RABGAP1L: variants seen among roughly 807,000 people sequenced by gnomAD.
The protein encoded by RABGAP1L is RAB GTPase activating protein 1 like.
In RABGAP1L, 63 loss-of-function variants were observed where a neutral mutation model predicts 137.7. The ratio of observed to expected loss-of-function variants is 0.46; its 90% CI spans 0.37 to 0.56. The LOEUF (loss-of-function observed/expected upper bound fraction) is 0.56, where lower values mean the gene tolerates loss of function less well. RABGAP1L is among the 20% of genes least tolerant of loss of function. The probability of loss-of-function intolerance (pLI) is 0.00; values close to 1 mark genes in which losing one functional copy is unlikely to be tolerated. For synonymous variants in RABGAP1L, 431 were observed against 433.7 expected (o/e 0.99, Z 0.08); for missense variants, 1,095 against 1,244.0 (o/e 0.88, Z 1.80).
intron 1 of RABGAP1L, among the ~76,000 whole-genome samples, chr1:174,162,641 G>A (rs1410635072): frequency 6.6e-6 from 1 of 151,700 alleles, no homozygotes; most frequent in East Asian, 1.9e-4. Flanking sequence ...GCTTGCTTAT[G>A]TCTTAATTTT....
intron 18 of RABGAP1L, among the ~76,000 whole-genome samples, chr1:174,764,238 T>G (rs1685484360): frequency 6.6e-6 from 1 of 152,254 alleles, no homozygotes; most frequent in South Asian, 2.1e-4. Flanking sequence ...TTGTTTCCAT[T>G]TTGATTGTTA....
intron 13 of RABGAP1L, among the ~76,000 whole-genome samples, chr1:174,447,612 G>A (rs1654910915): frequency 6.6e-6 from 1 of 152,116 alleles, no homozygotes; most frequent in Non-Finnish European, 1.5e-5. Flanking sequence ...CAGGAAGCCT[G>A]AGACAGTTTC....
chr1:174,571,629 A>C (rs12078714), intron 13 of RABGAP1L, among the ~76,000 whole-genome samples: 7,863 of 152,232 alleles, frequency 0.052, 650 homozygotes, highest in African/African-American at 0.18. Context: ...TATGCATGCA[A>C]TATAAATGCT....
At chr1:174,533,383 CTT>C (rs1251183848) in intron 13 of RABGAP1L, among the ~76,000 whole-genome samples, 3 of 152,150 alleles carry the variant, frequency 2.0e-5, no homozygotes, top group Non-Finnish European at 2.9e-5. Context: ...ACAGTTGACT[CTT>C]GAACAACATG....
chr1:174,762,055 G>A (rs1009505061), intron 18 of RABGAP1L, among the ~76,000 whole-genome samples: 2 of 152,102 alleles, frequency 1.3e-5, no homozygotes, highest in Admixed American at 6.5e-5. Flanking sequence ...GGGATGCTCT[G>A]TGCTGGGAGT....
intron 13 of RABGAP1L, among the ~76,000 whole-genome samples, chr1:174,581,420 A>G (rs547941382): frequency 7.2e-5 from 11 of 152,344 alleles, no homozygotes; most frequent in Admixed American, 5.2e-4. Context: ...ATGCTAAGCG[A>G]ATGAAATGAG....
At chr1:174,958,239 A>G (rs760667297) in intron 20 of RABGAP1L, 18 of 1,244,750 alleles carry the variant, frequency 1.4e-5, no homozygotes, top group Non-Finnish European at 1.8e-5. Flanking sequence ...TATGAACAAC[A>G]GTGATATTTG....
At chr1:174,877,368 G>T in intron 19 of RABGAP1L, 492 of 958,036 alleles carry the variant, frequency 5.1e-4, no homozygotes, top group East Asian at 9.8e-4. Context: ...CTGGATTTTT[G>T]ACACTCCACC....
chr1:174,274,287 C>G (rs1006998603), intron 8 of RABGAP1L, among the ~76,000 whole-genome samples: 1 of 152,030 alleles, frequency 6.6e-6, no homozygotes. Context: ...AGCCAGATTA[C>G]TTATATATAA....
chr1:174,599,648 C>A (rs966727154), intron 13 of RABGAP1L, among the ~76,000 whole-genome samples: 5 of 152,208 alleles, frequency 3.3e-5, no homozygotes, highest in Non-Finnish European at 4.4e-5. Flanking sequence ...ATATGTCATG[C>A]CACTCTCCTG....
intron 13 of RABGAP1L, among the ~76,000 whole-genome samples, chr1:174,433,978 T>TG (rs1479296079): frequency 3.3e-5 from 5 of 152,168 alleles, no homozygotes; most frequent in African/African-American, 1.2e-4. Context: ...TAATGAGCTT[T>TG]GACATGCATG....
At chr1:174,212,160 A>G (rs551429698) in intron 1 of RABGAP1L, among the ~76,000 whole-genome samples, 14 of 152,278 alleles carry the variant, frequency 9.2e-5, no homozygotes, top group East Asian at 1.9e-4. Context: ...ATTTAATCCA[A>G]TGACTGAAGA....
chr1:174,644,310 T>A (rs1302356993), intron 14 of RABGAP1L, among the ~76,000 whole-genome samples: 1 of 151,992 alleles, frequency 6.6e-6, no homozygotes, highest in African/African-American at 2.4e-5. Flanking sequence ...TGAAATAGCT[T>A]TTTAGTTTCT....
chr1:174,836,032 CA>C (rs1308715217), intron 19 of RABGAP1L, among the ~76,000 whole-genome samples: 1 of 152,140 alleles, frequency 6.6e-6, no homozygotes, highest in Non-Finnish European at 1.5e-5. Flanking sequence ...CTGAACTTTG[CA>C]TAAACAAAAA....
chr1:174,728,257 AT>A (rs1401591746), intron 17 of RABGAP1L, among the ~76,000 whole-genome samples: 4 of 152,228 alleles, frequency 2.6e-5, no homozygotes, highest in Non-Finnish European at 4.4e-5. Context: ...AGCTAAACAA[AT>A]TAGCAACTTC....
intron 13 of RABGAP1L, among the ~76,000 whole-genome samples, chr1:174,579,497 T>G (rs1379443316): frequency 6.6e-6 from 1 of 152,208 alleles, no homozygotes; most frequent in African/African-American, 2.4e-5. Flanking sequence ...TGAACACACG[T>G]GCTGTGGAAA....
chr1:174,464,595 C>T (rs1291655782), intron 13 of RABGAP1L, among the ~76,000 whole-genome samples: 1 of 152,010 alleles, frequency 6.6e-6, no homozygotes, highest in Non-Finnish European at 1.5e-5. Context: ...GTACCACTGC[C>T]TTCTTATATT....
chr1:174,716,132 T>C (rs1176904196), intron 17 of RABGAP1L, among the ~76,000 whole-genome samples: 1 of 152,254 alleles, frequency 6.6e-6, no homozygotes. Context: ...ACGTTATTTT[T>C]ATTGTTATTA....
intron 13 of RABGAP1L, among the ~76,000 whole-genome samples, chr1:174,475,175 G>C (rs1658373341): frequency 6.6e-6 from 1 of 151,998 alleles, no homozygotes; most frequent in African/African-American, 2.4e-5. Flanking sequence ...TGCACTTTCG[G>C]GTTTAGTAGG....
Sources: allele counts gnomAD v4.1 joint callset (sites outside exome capture counted in the v4.1 genomes callset), GRCh38; gene constraint gnomAD v4.1.1; transcripts MANE v1.5; gene names NCBI Gene and HGNC (gene_info 2026-07-23, HGNC 2026-07-21).